Variants in KSR2 observed in about 807,000 individuals in gnomAD.
KSR2 encodes the protein kinase suppressor of ras 2.
Under a neutral mutation model 107.8 loss-of-function variants are expected in KSR2, and 25 were observed. The ratio of observed to expected loss-of-function variants is 0.23; its 90% CI spans 0.17 to 0.32. The LOEUF is 0.32. KSR2 is among the 10% of genes least tolerant of loss of function. The pLI is 1.00. For missense variants in KSR2, 887 were observed against 1,268.9 expected (o/e 0.70, Z 4.57); for synonymous variants, 480 against 507.0 (o/e 0.95, Z 0.71).
At chr12:117,533,592 A>G (rs1034219213) in intron 10 of KSR2, among the ~76,000 whole-genome samples, 5 of 152,240 alleles carry the variant, frequency 3.3e-5, no homozygotes, top group Non-Finnish European at 7.3e-5. Flanking sequence ...ATTAGATAAC[A>G]GAAGTTTTTT....
chr12:117,793,462 CAT>C (rs1256581382), intron 3 of KSR2, among the ~76,000 whole-genome samples: 2 of 150,430 alleles, frequency 1.3e-5, no homozygotes, highest in African/African-American at 2.4e-5. Context: ...AACATGCACA[CAT>C]ACACCAACAT....
chr12:117,890,668 A>T (rs1320960850), intron 1 of KSR2: 1 of 152,154 alleles, frequency 6.6e-6, no homozygotes, highest in Non-Finnish European at 1.5e-5. Context: ...GATCCATTTG[A>T]TTGCATTTGA....
intron 4 of KSR2, among the ~76,000 whole-genome samples, chr12:117,725,612 G>A (rs2136703738): frequency 6.6e-6 from 1 of 152,140 alleles, no homozygotes; most frequent in South Asian, 2.1e-4. Flanking sequence ...GACAACTTTG[G>A]GATTGGCAAA....
rs1890856007 is a variant in KSR2, at chr12:117,802,219, C to G, written c.473-40695G>C. On this transcript the variant is annotated intron_variant, in intron 3 of 19. Coordinates refer to ENST00000339824, the MANE Select transcript of KSR2 (RefSeq NM_173598.6). ...TACCTTGTTCCTGGCCCCTTCCTCC[C>G]TCTCCCAAGCCGTTGGTGTAGCATC... Among the ~76,000 whole-genome samples the G allele has an allele frequency of 4.6e-5, 7 of 152,064 alleles. 1 individual carries two copies. The highest frequency in any genetic ancestry group is 4.6e-4 in the Admixed American group (7 of 15,258).
intron 13 of KSR2, among the ~76,000 whole-genome samples, chr12:117,526,214 ACTT>A (rs1445928500): frequency 1.3e-5 from 2 of 152,244 alleles, no homozygotes; most frequent in Non-Finnish European, 2.9e-5. Flanking sequence ...ACTCAGGCGT[ACTT>A]CGGCGTAACT....
intron 5 of KSR2, among the ~76,000 whole-genome samples, chr12:117,612,436 A>G (rs1593050589): frequency 6.6e-6 from 1 of 152,144 alleles, no homozygotes; most frequent in East Asian, 1.9e-4. Flanking sequence ...TATGTTATGT[A>G]TATTTCATCA....
chr12:117,650,800 T>G (rs778958750), intron 5 of KSR2, among the ~76,000 whole-genome samples: 4 of 152,114 alleles, frequency 2.6e-5, no homozygotes, highest in Non-Finnish European at 5.9e-5. Flanking sequence ...TGAAAGAAAT[T>G]ATGAACTCAG....
chr12:117,486,757 G>A (rs1104831), intron 14 of KSR2, among the ~76,000 whole-genome samples: 52,898 of 152,002 alleles, frequency 0.35, 10,141 homozygotes, highest in South Asian at 0.53. Context: ...CTTACTTACT[G>A]TATGTCTTGA....
intron 7 of KSR2, among the ~76,000 whole-genome samples, chr12:117,567,278 G>A (rs970078802): frequency 3.3e-5 from 5 of 152,150 alleles, no homozygotes; most frequent in African/African-American, 4.8e-5. Flanking sequence ...AGCCAGCAGA[G>A]GTGTGCAAGA....
At chr12:117,891,987 G>A (rs554066734) in intron 1 of KSR2, among the ~76,000 whole-genome samples, 24 of 149,824 alleles carry the variant, frequency 1.6e-4, no homozygotes, top group African/African-American at 5.4e-4. Flanking sequence ...GTAACAGAGT[G>A]AGACCCTGTC....
intron 3 of KSR2, among the ~76,000 whole-genome samples, chr12:117,834,216 C>T (rs1892104120): frequency 6.6e-6 from 1 of 151,768 alleles, no homozygotes; most frequent in Non-Finnish European, 1.5e-5. Flanking sequence ...AGACCATGAT[C>T]CGAAGTTAAA....
chr12:117,885,383 T>C (rs953598067), intron 1 of KSR2, among the ~76,000 whole-genome samples: 1 of 152,100 alleles, frequency 6.6e-6, no homozygotes, highest in Non-Finnish European at 1.5e-5. Context: ...ATAAGGAAAC[T>C]GACACAGAGA....
chr12:117,844,884 T>C (rs4767630), intron 3 of KSR2, among the ~76,000 whole-genome samples: 127,335 of 152,118 alleles, frequency 0.84, 53,912 homozygotes, highest in African/African-American at 0.95. Context: ...CAGTGGCTCA[T>C]GCCTGTAATC....
At chr12:117,777,429 G>A (rs1052097889) in intron 3 of KSR2, among the ~76,000 whole-genome samples, 2 of 152,148 alleles carry the variant, frequency 1.3e-5, no homozygotes, top group Non-Finnish European at 2.9e-5. Flanking sequence ...ACCACAGAAA[G>A]GACACTGCTT....
chr12:117,662,522 C>G (rs1183984640), intron 5 of KSR2, among the ~76,000 whole-genome samples: 3 of 152,214 alleles, frequency 2.0e-5, no homozygotes, highest in Admixed American at 6.5e-5. Context: ...AGGGGCAACT[C>G]TCTCTTAGCT....
chr12:117,660,125 G>T (rs1884365753), intron 5 of KSR2, among the ~76,000 whole-genome samples: 2 of 152,174 alleles, frequency 1.3e-5, no homozygotes, highest in Admixed American at 6.5e-5. Context: ...CTGAGACTTT[G>T]AATAGGTATT....
In KSR2 at chr12:117,546,439, G is replaced by C. The variant is rs564932687; in HGVS notation, c.1519-6552C>G. 3.3e-5 allele frequency among the ~76,000 whole-genome samples: 5 copies of C among 152,268 alleles called. No individual in the cohort carries two copies. The East Asian group carries it at 9.6e-4, about 29-fold the overall frequency. On this transcript the variant is annotated intron_variant, in intron 9 of 19. Transcript: ENST00000339824. ...CAGAAGTTTGACATGACATATCCTA[G>C]CATGGATTTCTTTGAATTGACCTTC...
chr12:117,496,805 TTA>T (rs1479891520), intron 14 of KSR2, among the ~76,000 whole-genome samples: 1 of 152,018 alleles, frequency 6.6e-6, no homozygotes, highest in Non-Finnish European at 1.5e-5. Flanking sequence ...CAAAACTAGT[TTA>T]GCAAGTTAGA....
Position 117,968,029 on chromosome 12 carries a change from C to CT in KSR2, c.180+46dup, listed in dbSNP as rs34834989. Reference sequence around the variant, plus strand: ...AGAAAGGAGGGGGAAAGAAGGATTGCTTTTTTTTTTTTTTTTTTTTTTTTT... The same window carrying CT: ...AGAAAGGAGGGGGAAAGAAGGATTGCTTTTTTTTTTTTTTTTTTTTTTTTTT... On this transcript the variant is annotated intron_variant, in intron 1 of 19. Transcript: ENST00000339824. 3.1e-3 allele frequency: 2,092 copies of CT among 677,790 alleles called. 13 individuals carry two copies. The highest frequency in any genetic ancestry group is 6.3e-3 in the South Asian group (359 of 57,138). The allele number at this position is 677,790 out of a possible 1,614,324, so 42.0% of individuals were successfully genotyped here. A position where few individuals can be genotyped will look rare whatever the true frequency, so the allele number is the denominator to read the frequency against.
Sources: gnomAD v4.1 joint callset for allele counts (sites outside exome capture counted in the v4.1 genomes callset) on GRCh38, gnomAD v4.1.1 for gene constraint, MANE v1.5 for transcripts, NCBI Gene and HGNC (gene_info 2026-07-23, HGNC 2026-07-21) for gene names.